The following CACNB2 variants were observed in gnomAD, a reference collection of about 807,000 sequenced individuals.
The protein encoded by CACNB2 is calcium voltage-gated channel auxiliary subunit beta 2, also known as voltage-dependent L-type calcium channel subunit beta-2.
In CACNB2, 42 loss-of-function variants were observed where a neutral mutation model predicts 73.3. The ratio of observed to expected loss-of-function variants is 0.57; its 90% CI spans 0.45 to 0.74. The LOEUF (loss-of-function observed/expected upper bound fraction) is 0.74. Ranked by LOEUF, CACNB2 falls within the 30% of genes least tolerant of loss-of-function variation. The pLI, the probability that CACNB2 is intolerant of heterozygous loss-of-function variation, is 0.00. For synonymous variants in CACNB2, 348 were observed against 310.3 expected, an observed-to-expected ratio of 1.12 and a Z score of -1.28; for missense variants, 940 against 853.0, an observed-to-expected ratio of 1.10 and a Z score of -1.27.
intron 2 of CACNB2, among the ~76,000 whole-genome samples, chr10:18,204,976 GAA>G (rs80197923): frequency 7.9e-5 from 10 of 126,118 alleles, no homozygotes; most frequent in East Asian, 2.6e-4. Flanking sequence ...AACTTTACCA[GAA>G]AAAAAAAAAA....
Position 18,511,680 on chromosome 10 carries a change from C to T in CACNB2, c.671-2556C>T, listed in dbSNP as rs181143757. ...TTCTTCTCCTTGACTGATTCTTAAC[C>T]GTAGAATAATTTTCTAGCTAGTCCA... is the stretch of plus-strand genomic sequence containing the variant. On this transcript the variant is annotated intron_variant, in intron 6 of 13. Coordinates refer to ENST00000324631, the MANE Select transcript of CACNB2 (RefSeq NM_201596.3). 1.3e-3 allele frequency among the ~76,000 whole-genome samples: 197 copies of T among 152,150 alleles called. 1 individual carries two copies. Among genetic ancestry groups the T allele is most frequent in the Non-Finnish European group, 2.0e-3 (135 of 68,006 alleles).
At chr10:18,175,497 T>A (rs989811617) in intron 2 of CACNB2, among the ~76,000 whole-genome samples, 1 of 152,222 alleles carries the variant, frequency 6.6e-6, no homozygotes, top group Non-Finnish European at 1.5e-5. Flanking sequence ...TCACAGGCTC[T>A]TATTCACTTA....
intron 2 of CACNB2, among the ~76,000 whole-genome samples, chr10:18,325,756 C>T (rs187860445): frequency 4.9e-5 from 7 of 141,488 alleles, no homozygotes; most frequent in Non-Finnish European, 1.1e-4. Context: ...CCCTTTCTTC[C>T]CTTTCCTTTC....
rs548947455 is a variant in CACNB2, at chr10:18,177,741, A to G, written c.213+26766A>G. Among the ~76,000 whole-genome samples the G allele has an allele frequency of 1.8e-4, 27 of 152,322 alleles. 1 individual carries two copies. In the East Asian group the frequency reaches 2.9e-3, roughly 16 times the overall value. On this transcript the variant is annotated intron_variant, in intron 2 of 13. Transcript: ENST00000324631. Reference sequence around the variant, plus strand: ...TTACATGTGCAAAGAAGAGTACAGGAAAAGCCAATTTTGCATTCTTCTCTT... The same window carrying G: ...TTACATGTGCAAAGAAGAGTACAGGGAAAGCCAATTTTGCATTCTTCTCTT...
intron 2 of CACNB2, among the ~76,000 whole-genome samples, chr10:18,249,550 C>A (rs1201441416): frequency 1.3e-5 from 2 of 152,064 alleles, no homozygotes; most frequent in East Asian, 3.9e-4. Flanking sequence ...TGACTCTGTC[C>A]CCCCAATGAC....
chr10:18,268,496 GA>G (rs1166213427), intron 2 of CACNB2, among the ~76,000 whole-genome samples: 3 of 152,172 alleles, frequency 2.0e-5, no homozygotes, highest in African/African-American at 7.2e-5. Context: ...TATATTCTGA[GA>G]ATACGTTATA....
chr10:18,141,251 G>T lies in CACNB2; in HGVS notation c.120+395G>T, dbSNP rs1327464538. 5.6e-6 allele frequency: 8 copies of T among 1,427,212 alleles called. No homozygotes were observed. The Admixed American group carries it at 9.9e-5, about 18-fold the overall frequency. 88.4% of individuals were successfully genotyped at this position (1,427,212 alleles called of 1,614,324 possible). On this transcript the variant is annotated intron_variant, in intron 1 of 13. Coordinates refer to ENST00000324631, the MANE Select transcript of CACNB2 (RefSeq NM_201596.3). Reference sequence around the variant, plus strand: ...GTGGGCGGGAGGGGGCCCGCTTCCCGCAGCGCTTTCTACGATGCCGACTCT... The same window carrying T: ...GTGGGCGGGAGGGGGCCCGCTTCCCTCAGCGCTTTCTACGATGCCGACTCT...
At chr10:18,355,983 C>T (rs151319049) in intron 2 of CACNB2, among the ~76,000 whole-genome samples, 2 of 152,136 alleles carry the variant, frequency 1.3e-5, no homozygotes, top group African/African-American at 4.8e-5. Flanking sequence ...CTAACATGCA[C>T]ATAAAATATG....
At chr10:18,190,443 G>A (rs1280902030) in intron 2 of CACNB2, among the ~76,000 whole-genome samples, 1 of 152,086 alleles carries the variant, frequency 6.6e-6, no homozygotes, top group African/African-American at 2.4e-5. Flanking sequence ...AGACTTGGAG[G>A]GAATGGTCAT....
At chr10:18,472,032 A>G (rs2048211624) in intron 3 of CACNB2, among the ~76,000 whole-genome samples, 1 of 151,828 alleles carries the variant, frequency 6.6e-6, no homozygotes, top group Non-Finnish European at 1.5e-5. Context: ...CATTACAGTC[A>G]TCTCTCTGGC....
At chr10:18,497,412 G>A (rs2049903087) in intron 3 of CACNB2, among the ~76,000 whole-genome samples, 1 of 151,926 alleles carries the variant, frequency 6.6e-6, no homozygotes, top group Admixed American at 6.6e-5. Flanking sequence ...AATTCTTTTG[G>A]TTTGATTTGT....
chr10:18,378,286 A>C (rs2042882635), intron 2 of CACNB2, among the ~76,000 whole-genome samples: 2 of 152,334 alleles, frequency 1.3e-5, no homozygotes, highest in South Asian at 4.1e-4. Context: ...ATTCTGAATG[A>C]GTGTTAATTG....
chr10:18,348,415 G>A (rs1402727480), intron 2 of CACNB2, among the ~76,000 whole-genome samples: 1 of 152,162 alleles, frequency 6.6e-6, no homozygotes, highest in Non-Finnish European at 1.5e-5. Flanking sequence ...GGCCCAAGGT[G>A]GTTATATGGG....
intron 3 of CACNB2, among the ~76,000 whole-genome samples, chr10:18,488,639 C>T (rs747286516): frequency 1.5e-4 from 23 of 152,066 alleles, no homozygotes; most frequent in African/African-American, 2.7e-4. Flanking sequence ...TAGTGTCACA[C>T]GCAAGGCAGA....
intron 6 of CACNB2, among the ~76,000 whole-genome samples, chr10:18,509,387 C>A (rs1164253343): frequency 6.6e-6 from 1 of 152,210 alleles, no homozygotes; most frequent in Admixed American, 6.5e-5. Context: ...GACATCTGGG[C>A]ATTGGTGTCA....
intron 3 of CACNB2, among the ~76,000 whole-genome samples, chr10:18,414,335 G>A (rs926592137): frequency 1.3e-5 from 2 of 152,092 alleles, no homozygotes; most frequent in African/African-American, 4.8e-5. Flanking sequence ...CCAAGTACTT[G>A]GGAACAAAAT....
Position 18,539,490 on chromosome 10 carries a change from C to G in CACNB2, c.1749C>G (p.Ala583=), listed in dbSNP as rs755387775. ...CCCATGACCACGTGGACCACTATGC[C>G]TCACACCGTGACCACAACCACAGAG... ...DYSHDHVDHY[A]SHRDHNHRDE... The change falls in exon 14 of 14, where the codon GCC becomes GCG. Residue 583 remains alanine (A), a synonymous_variant. Transcript: ENST00000324631. The G allele has an allele frequency of 1.4e-5, 22 of 1,614,000 alleles. No individual in the cohort carries two copies. The highest frequency in any genetic ancestry group is 3.3e-4 in the Middle Eastern group (2 of 6,062).
At chr10:18,394,782 GTAT>G (rs1447605667) in intron 2 of CACNB2, among the ~76,000 whole-genome samples, 2 of 152,170 alleles carry the variant, frequency 1.3e-5, no homozygotes, top group Non-Finnish European at 2.9e-5. Flanking sequence ...TTAATAAGAT[GTAT>G]TATTATGTGC....
chr10:18,502,948 C>T (rs1362181675), intron 5 of CACNB2, among the ~76,000 whole-genome samples: 2 of 151,546 alleles, frequency 1.3e-5, no homozygotes, highest in African/African-American at 4.9e-5. Flanking sequence ...GACATGTACC[C>T]CGAAACTAAA....
Sources: gnomAD v4.1 joint callset for allele counts (sites outside exome capture counted in the v4.1 genomes callset) on GRCh38, gnomAD v4.1.1 for gene constraint, MANE v1.5 for transcripts, NCBI Gene and HGNC (gene_info 2026-07-23, HGNC 2026-07-21) for gene names.